ROBO1: variants seen among roughly 807,000 people sequenced by gnomAD.
The protein encoded by ROBO1 is roundabout guidance receptor 1.
ROBO1 carries 149 observed loss-of-function variants against 195.9 expected under a neutral mutation model. That is an observed-to-expected ratio of 0.76 (90% CI 0.67 to 0.87). The LOEUF (loss-of-function observed/expected upper bound fraction) is 0.87, where lower values mean the gene tolerates loss of function less well. ROBO1 is among the 40% of genes least tolerant of loss of function. The pLI, the probability that ROBO1 is intolerant of heterozygous loss-of-function variation, is 0.00. For missense variants in ROBO1, 1,933 were observed against 2,068.3 expected (o/e 0.93, Z 1.27); for synonymous variants, 816 against 733.2 (o/e 1.11, Z -1.82).
intron 2 of ROBO1, among the ~76,000 whole-genome samples, chr3:79,573,830 TATG>T (rs1195828433): frequency 6.6e-6 from 1 of 152,162 alleles, no homozygotes; most frequent in Non-Finnish European, 1.5e-5. Flanking sequence ...AAACCCAAGA[TATG>T]ATAATTTTAA....
intron 2 of ROBO1, among the ~76,000 whole-genome samples, chr3:79,340,105 C>G (rs2034847492): frequency 6.6e-6 from 1 of 152,188 alleles, no homozygotes; most frequent in Non-Finnish European, 1.5e-5. Context: ...CTGCAGCACA[C>G]CCAGTCTCTG....
chr3:79,562,073 T>G (rs2107713564), intron 2 of ROBO1, among the ~76,000 whole-genome samples: 1 of 152,300 alleles, frequency 6.6e-6, no homozygotes, highest in African/African-American at 2.4e-5. Flanking sequence ...CTTTGTGGAC[T>G]AATTCAGCAA....
intron 3 of ROBO1, among the ~76,000 whole-genome samples, chr3:79,121,873 T>G (rs1401104111): frequency 6.6e-6 from 1 of 152,038 alleles, no homozygotes; most frequent in Non-Finnish European, 1.5e-5. Flanking sequence ...AGAATGTTAG[T>G]AGGATTTCAT....
At chr3:79,305,252 C>A (rs376582056) in intron 2 of ROBO1, among the ~76,000 whole-genome samples, 1 of 151,840 alleles carries the variant, frequency 6.6e-6, no homozygotes, top group Non-Finnish European at 1.5e-5. Flanking sequence ...TTTGAGAGGC[C>A]GAGGCAGGTG....
chr3:79,171,904 C>G (rs1230137047), intron 2 of ROBO1, among the ~76,000 whole-genome samples: 1 of 151,978 alleles, frequency 6.6e-6, no homozygotes, highest in Non-Finnish European at 1.5e-5. Flanking sequence ...TTATACTAAA[C>G]ACACACAAAC....
chr3:79,121,371 T>C (rs1430536087), intron 3 of ROBO1, among the ~76,000 whole-genome samples: 2 of 152,070 alleles, frequency 1.3e-5, no homozygotes, highest in African/African-American at 4.8e-5. Context: ...CAAAACAAGG[T>C]TTTGGGATTG....
At position 78,618,040 on chromosome 3, in the gene ROBO1, G is replaced by A. The variant is rs370726850; in HGVS notation, c.3877C>T (p.Arg1293Trp). 6.2e-6 allele frequency: 10 copies of A among 1,609,278 alleles called. No homozygotes were observed. The highest frequency in any genetic ancestry group is 4.0e-5 in the African/African-American group (3 of 74,714). Reference protein sequence around the residue: ...GHMQHQPDRRRQPVSPPPPPR... With the variant: ...GHMQHQPDRRWQPVSPPPPPR... Reference sequence around the variant, plus strand: ...GGTGGAGGAGGACTCACAGGCTGCCGTCTGTATGAAGATGAATAAATAGGT... The same window carrying A: ...GGTGGAGGAGGACTCACAGGCTGCCATCTGTATGAAGATGAATAAATAGGT... Residue 1293 changes from arginine to tryptophan, a missense_variant and splice_region_variant, in exon 27 of 31, where the codon CGG becomes TGG. Arg to Trp is a moderately radical substitution (Grantham distance 101). Coordinates refer to ENST00000464233, the MANE Select transcript of ROBO1 (RefSeq NM_002941.4).
intron 2 of ROBO1, among the ~76,000 whole-genome samples, chr3:79,219,988 TG>T (rs2082110385): frequency 6.6e-6 from 1 of 152,082 alleles, no homozygotes; most frequent in Non-Finnish European, 1.5e-5. Flanking sequence ...ATATATGGTA[TG>T]GTGAAGACTA....
At chr3:79,603,392 C>G (rs1018802126) in intron 1 of ROBO1, among the ~76,000 whole-genome samples, 2 of 151,956 alleles carry the variant, frequency 1.3e-5, no homozygotes, top group African/African-American at 4.8e-5. Context: ...AACAATACCC[C>G]CCACAGCCCT....
chr3:79,625,370 A>G (rs560595450), intron 1 of ROBO1, among the ~76,000 whole-genome samples: 7 of 148,296 alleles, frequency 4.7e-5, no homozygotes, highest in African/African-American at 1.7e-4. Context: ...TGAAAGAGAT[A>G]GACACACGAA....
chr3:79,711,446 G>T (rs1045257942), intron 1 of ROBO1, among the ~76,000 whole-genome samples: 1 of 152,020 alleles, frequency 6.6e-6, no homozygotes, highest in Non-Finnish European at 1.5e-5. Context: ...TATTTAAATT[G>T]CATTTAATTT....
intron 4 of ROBO1, among the ~76,000 whole-genome samples, chr3:78,925,349 A>G (rs1259361748): frequency 6.6e-6 from 1 of 152,196 alleles, no homozygotes; most frequent in Non-Finnish European, 1.5e-5. Context: ...ATAATGTTGT[A>G]CTTGAAGCTC....
intron 3 of ROBO1, among the ~76,000 whole-genome samples, chr3:79,061,174 T>C (rs1164083805): frequency 6.6e-6 from 1 of 152,130 alleles, no homozygotes; most frequent in Non-Finnish European, 1.5e-5. Flanking sequence ...AAAATCAATG[T>C]GCAAAAATCA....
chr3:79,350,375 A>G (rs1183394691), intron 2 of ROBO1, among the ~76,000 whole-genome samples: 1 of 152,232 alleles, frequency 6.6e-6, no homozygotes, highest in Non-Finnish European at 1.5e-5. Context: ...GTGACTTTGA[A>G]AACCACTGTC....
intron 4 of ROBO1, among the ~76,000 whole-genome samples, chr3:78,902,117 A>T (rs2037627418): frequency 6.6e-6 from 1 of 152,134 alleles, no homozygotes; most frequent in South Asian, 2.1e-4. Context: ...GGCATCTTTG[A>T]TTACTTTTAA....
At chr3:79,721,922 G>C (rs1702719394) in intron 1 of ROBO1, among the ~76,000 whole-genome samples, 1 of 152,156 alleles carries the variant, frequency 6.6e-6, no homozygotes, top group African/African-American at 2.4e-5. Flanking sequence ...ACTAGTTTAA[G>C]ATCACATTGA....
At chr3:79,104,299 T>C (rs944380474) in intron 3 of ROBO1, among the ~76,000 whole-genome samples, 1 of 151,862 alleles carries the variant, frequency 6.6e-6, no homozygotes, top group Non-Finnish European at 1.5e-5. Context: ...TTGGTTAAGT[T>C]GTGAAGCTGA....
intron 3 of ROBO1, among the ~76,000 whole-genome samples, chr3:79,101,915 G>T (rs1388288954): frequency 6.6e-6 from 1 of 151,770 alleles, no homozygotes; most frequent in Non-Finnish European, 1.5e-5. Context: ...TGTCAAACAA[G>T]TTTCATGTGA....
chr3:78,831,788 A>T (rs2032237327), intron 4 of ROBO1, among the ~76,000 whole-genome samples: 1 of 152,226 alleles, frequency 6.6e-6, no homozygotes, highest in African/African-American at 2.4e-5. Context: ...GGATGAGCAA[A>T]GTCACATCTT....
Sources: gnomAD v4.1 joint callset for allele counts (sites outside exome capture counted in the v4.1 genomes callset) on GRCh38, gnomAD v4.1.1 for gene constraint, MANE v1.5 for transcripts, NCBI Gene and HGNC (gene_info 2026-07-23, HGNC 2026-07-21) for gene names.